Variants in CALD1 observed in about 807,000 individuals in gnomAD.
CALD1 encodes caldesmon 1.
Under a neutral mutation model 99.9 loss-of-function variants are expected in CALD1, and 33 were observed. That is an observed-to-expected ratio of 0.33 (90% CI 0.25 to 0.44). CALD1 has a LOEUF of 0.44. Ranked by LOEUF, CALD1 falls within the 20% of genes least tolerant of loss-of-function variation. The pLI, the probability that CALD1 is intolerant of heterozygous loss-of-function variation, is 1.00. For synonymous variants in CALD1, 310 were observed against 325.0 expected, an observed-to-expected ratio of 0.95 and a Z score of 0.50; for missense variants, 861 against 962.1, an observed-to-expected ratio of 0.89 and a Z score of 1.39.
At chr7:134,795,067 G>C (rs866946771) in intron 1 of CALD1, among the ~76,000 whole-genome samples, 5 of 152,206 alleles carry the variant, frequency 3.3e-5, no homozygotes, top group Admixed American at 6.5e-5. Context: ...TGTGTCAGCT[G>C]TCAGGAGCTG....
chr7:134,834,247 T>G (rs1799344289), intron 1 of CALD1, among the ~76,000 whole-genome samples: 1 of 152,236 alleles, frequency 6.6e-6, no homozygotes, highest in South Asian at 2.1e-4. Context: ...CTTTCTCTGC[T>G]GTGTGATTAC....
intron 3 of CALD1, among the ~76,000 whole-genome samples, chr7:134,926,638 A>G (rs1025919843): frequency 1.3e-5 from 2 of 152,234 alleles, no homozygotes; most frequent in Non-Finnish European, 2.9e-5. Context: ...CAGATGAAAT[A>G]AAGTACTGAC....
intron 11 of CALD1, among the ~76,000 whole-genome samples, chr7:134,958,899 ATATATATATATTTAAC>A (rs1808024971): frequency 1.1e-5 from 1 of 94,580 alleles, no homozygotes; most frequent in Non-Finnish European, 2.4e-5. Context: ...ATATATATAT[ATATATATATATTTAAC>A]TATATATATA....
At chr7:134,734,178 A>G in the CALD1 span, among the ~76,000 whole-genome samples, 1 of 152,200 alleles carries the variant, frequency 6.6e-6, no homozygotes, top group East Asian at 1.9e-4. Flanking sequence ...TTCTTTGGGT[A>G]TCCAGAGGCT....
At chr7:134,920,818 C>A (rs1804562382) in intron 3 of CALD1, 3 of 576,810 alleles carry the variant, frequency 5.2e-6, no homozygotes, top group Middle Eastern at 3.2e-4. Context: ...GTGCAGAGTT[C>A]TTTTTCAAAA....
chr7:134,922,811 A>G (rs1202990542), intron 3 of CALD1, among the ~76,000 whole-genome samples: 1 of 152,200 alleles, frequency 6.6e-6, no homozygotes, highest in Admixed American at 6.5e-5. Flanking sequence ...AAACTAAAAC[A>G]TGGTTATCTT....
intron 6 of CALD1, among the ~76,000 whole-genome samples, chr7:134,940,217 G>A (rs539451421): frequency 3.2e-4 from 48 of 152,288 alleles, no homozygotes; most frequent in South Asian, 8.3e-4. Flanking sequence ...TGATATAAGT[G>A]AAGTGATTTG....
Position 134,867,717 on chromosome 7 carries a change from G to A in CALD1, c.-17G>A, listed in dbSNP as rs1325908079. 4 of 1,581,590 alleles carry A rather than the reference G, an allele frequency of 2.5e-6. No individual in the cohort carries two copies. The highest frequency in any genetic ancestry group is 3.5e-6 in the Non-Finnish European group (4 of 1,154,490). Reference sequence around the variant, plus strand: ...GGTCCAGACATCATCTGGTCTCCCTGAACCTGAAATCACACCATGGATGAT... The same window carrying A: ...GGTCCAGACATCATCTGGTCTCCCTAAACCTGAAATCACACCATGGATGAT... On this transcript the variant is annotated 5_prime_UTR_variant, in exon 3 of 15. Transcript: ENST00000361675.
chr7:134,820,719 A>C (rs1798741164), intron 1 of CALD1, among the ~76,000 whole-genome samples: 1 of 152,180 alleles, frequency 6.6e-6, no homozygotes, highest in South Asian at 2.1e-4. Flanking sequence ...CCAATTTCAA[A>C]GGAAAAATCT....
At chr7:134,910,954 A>C (rs6944779) in intron 3 of CALD1, among the ~76,000 whole-genome samples, 2 of 152,210 alleles carry the variant, frequency 1.3e-5, no homozygotes, top group African/African-American at 2.4e-5. Flanking sequence ...AGCAAAATGC[A>C]CCAAGAACCT....
At chr7:134,746,837 T>C (rs1299203609) in intron 1 of CALD1, among the ~76,000 whole-genome samples, 6 of 152,256 alleles carry the variant, frequency 3.9e-5, no homozygotes, top group Admixed American at 3.9e-4. Context: ...TCTGTGTTCT[T>C]GTCCTAGTGT....
intron 1 of CALD1, among the ~76,000 whole-genome samples, chr7:134,808,083 T>TGGTAAAGTCCCCATTC (rs908474994): frequency 4.7e-5 from 7 of 148,380 alleles, no homozygotes; most frequent in African/African-American, 1.7e-4. Flanking sequence ...TCCATACATT[T>TGGTAAAGTCCCCATTC]GGTAAAGTCC....
intron 3 of CALD1, among the ~76,000 whole-genome samples, chr7:134,887,385 G>A (rs186433268): frequency 4.6e-5 from 7 of 152,302 alleles, no homozygotes; most frequent in Non-Finnish European, 1.0e-4. Flanking sequence ...CCTTGGGGTG[G>A]GGGAACAGCT....
At chr7:134,924,902 C>T (rs1256104478) in intron 3 of CALD1, among the ~76,000 whole-genome samples, 4 of 152,148 alleles carry the variant, frequency 2.6e-5, no homozygotes, top group Non-Finnish European at 5.9e-5. Context: ...GGGGCTCTTC[C>T]TCCTTCACTT....
At position 134,933,475 on chromosome 7, in the gene CALD1, GAAGAGCC is replaced by G; in HGVS notation, c.707_713del (p.Glu236ValfsTer51). Reference sequence around the variant, plus strand: ...ATTAAAAAATGGGCAGATCAGTTCAGAAGAGCCTAAACAAGAGGAGGAGAGGGAACAA... The same window carrying G: ...ATTAAAAAATGGGCAGATCAGTTCAGTAAACAAGAGGAGGAGAGGGAACAA... On this transcript the variant is annotated frameshift_variant, in exon 5 of 15. Coordinates refer to ENST00000361675, the MANE Select transcript of CALD1 (RefSeq NM_033138.4). LOFTEE classifies it high-confidence loss of function. 6.2e-7 allele frequency: 1 copy of G among 1,614,026 alleles called. No homozygotes were observed. The highest frequency in any genetic ancestry group is 8.5e-7 in the Non-Finnish European group (1 of 1,180,004).
intron 1 of CALD1, among the ~76,000 whole-genome samples, chr7:134,785,257 G>C (rs998002047): frequency 1.3e-5 from 2 of 152,170 alleles, no homozygotes; most frequent in Non-Finnish European, 2.9e-5. Flanking sequence ...GATTAATCTA[G>C]AAGTTTGCAC....
At chr7:134,916,886 C>A (rs927419396) in intron 3 of CALD1, among the ~76,000 whole-genome samples, 5 of 152,172 alleles carry the variant, frequency 3.3e-5, no homozygotes, top group Non-Finnish European at 5.9e-5. Flanking sequence ...TAAGACTTAT[C>A]TAAAAGGAGT....
At chr7:134,915,030 C>T (rs1378232065) in intron 3 of CALD1, among the ~76,000 whole-genome samples, 2 of 152,192 alleles carry the variant, frequency 1.3e-5, no homozygotes, top group Non-Finnish European at 2.9e-5. Flanking sequence ...TGTGCTAATT[C>T]CAGCCACCTG....
In CALD1 at chr7:134,933,722, G is replaced by A; in HGVS notation, c.953G>A (p.Arg318Lys). The A allele has an allele frequency of 6.4e-7, 1 of 1,560,204 alleles. No individual in the cohort carries two copies. The highest frequency in any genetic ancestry group is 2.4e-5 in the East Asian group (1 of 41,976). The change falls in exon 5 of 15, where the codon AGG becomes AAG. Residue 318 changes from arginine to lysine, a missense_variant. Around this residue, in one of 5 missense-constraint regions of CALD1, gnomAD observed 234 missense variants for 233.1 expected, o/e 1.00. Transcript: ENST00000361675. ...GAGGCAGAAGAGAGGGAAAGGATGA[G>A]GGAGGAAGAGAAAAGGGCAGCAGAG... ...RREAEERERMREEEKRAAEER... is the reference protein window; with the variant it reads ...RREAEERERMKEEEKRAAEER...
Sources: gnomAD v4.1 joint callset for allele counts (sites outside exome capture counted in the v4.1 genomes callset) on GRCh38, gnomAD v4.1.1 for gene constraint, gnomAD v4.1.1 regional missense constraint, MANE v1.5 for transcripts, NCBI Gene and HGNC (gene_info 2026-07-23, HGNC 2026-07-21) for gene names.